Variants in SLC25A26 observed in about 807,000 individuals in gnomAD.
The protein encoded by SLC25A26 is mitochondrial S-adenosylmethionine carrier protein.
SLC25A26 carries 36 observed loss-of-function variants against 37.8 expected under a neutral mutation model. That is an observed-to-expected ratio of 0.95 (90% CI 0.73 to 1.26). The LOEUF (loss-of-function observed/expected upper bound fraction) is 1.26. Ranked by LOEUF, SLC25A26 falls within the 50% of genes most tolerant of loss-of-function variation. The pLI is 0.00. For synonymous variants in SLC25A26, 129 were observed against 122.5 expected, an observed-to-expected ratio of 1.05 and a Z score of -0.35; for missense variants, 390 against 331.1, an observed-to-expected ratio of 1.18 and a Z score of -1.38.
chr3:66,305,781 G>T lies in SLC25A26; in HGVS notation c.454-40583G>T, dbSNP rs182239764. 1.4e-3 allele frequency among the ~76,000 whole-genome samples: 211 copies of T among 152,164 alleles called. 1 individual carries two copies. Among genetic ancestry groups the T allele is most frequent in the African/African-American group, 4.8e-3 (199 of 41,508 alleles). ...TGAACATACATGTGCGTGTGTCTTTGTAATATAATGATTTATATTCCTTTG... is the reference window on the plus strand; with the variant it reads ...TGAACATACATGTGCGTGTGTCTTTTTAATATAATGATTTATATTCCTTTG... On this transcript the variant is annotated intron_variant, in intron 5 of 9. Coordinates refer to ENST00000354883, the MANE Select transcript of SLC25A26 (RefSeq NM_001379210.1).
chr3:66,269,489 A>G (rs987777961), intron 5 of SLC25A26, among the ~76,000 whole-genome samples: 3 of 152,242 alleles, frequency 2.0e-5, no homozygotes, highest in Admixed American at 6.5e-5. Context: ...GCATATTGGT[A>G]TAAAAAGTAA....
In SLC25A26 at chr3:66,286,786, C is replaced by G. The variant is rs577608015; in HGVS notation, c.453+23407C>G. ...CCTCCCTTCTGGATTCAAATGCCAC[C>G]TGAGTAGCTGGGATTACAGGTGTGC... On this transcript the variant is annotated intron_variant, in intron 5 of 9. Coordinates refer to ENST00000354883, the MANE Select transcript of SLC25A26 (RefSeq NM_001379210.1). Among the ~76,000 whole-genome samples, 13 of 152,150 alleles carry G rather than the reference C, an allele frequency of 8.5e-5. No individual in the cohort carries two copies. The South Asian group carries it at 2.5e-3, about 29-fold the overall frequency.
intron 2 of SLC25A26, among the ~76,000 whole-genome samples, chr3:66,239,434 G>A (rs1378345361): frequency 6.6e-6 from 1 of 152,154 alleles, no homozygotes. Flanking sequence ...ATCTATTCAG[G>A]CAGATGTCCT....
At chr3:66,370,227 C>T (rs541132355) in intron 8 of SLC25A26, among the ~76,000 whole-genome samples, 12 of 152,384 alleles carry the variant, frequency 7.9e-5, no homozygotes, top group African/African-American at 2.4e-4. Flanking sequence ...ATTCCCCGCC[C>T]TCCTCACATT....
At chr3:66,335,777 C>A (rs1255130036) in intron 5 of SLC25A26, among the ~76,000 whole-genome samples, 1 of 152,180 alleles carries the variant, frequency 6.6e-6, no homozygotes, top group Non-Finnish European at 1.5e-5. Flanking sequence ...TCCGACCATA[C>A]AGCAGTATAA....
chr3:66,272,510 G>A (rs2073992736), intron 5 of SLC25A26, among the ~76,000 whole-genome samples: 1 of 152,104 alleles, frequency 6.6e-6, no homozygotes, highest in South Asian at 2.1e-4. Context: ...AATCTGTGTT[G>A]ATGGAAGTGT....
chr3:66,194,678 C>A (rs973553174), intron 1 of SLC25A26, among the ~76,000 whole-genome samples: 1 of 152,260 alleles, frequency 6.6e-6, no homozygotes, highest in East Asian at 1.9e-4. Context: ...GATCTCGGCT[C>A]ATCGCAACCT....
At chr3:66,216,585 T>C (rs1411740470), upstream of SLC25A26, among the ~76,000 whole-genome samples, 3 of 151,016 alleles carry the variant, frequency 2.0e-5, no homozygotes, top group Non-Finnish European at 4.4e-5. Context: ...TTAAGCCTAG[T>C]CCTGGTTGAA....
chr3:66,209,928 A>ATATATATATATG (rs2071260939), intron 1 of SLC25A26, among the ~76,000 whole-genome samples: 2 of 74,684 alleles, frequency 2.7e-5, no homozygotes, highest in African/African-American at 1.3e-4. Context: ...ATATATATAT[A>ATATATATATATG]TATATATATA....
chr3:66,353,049 G>A (rs993010875), intron 6 of SLC25A26, among the ~76,000 whole-genome samples: 5 of 151,998 alleles, frequency 3.3e-5, no homozygotes, highest in Admixed American at 1.3e-4. Context: ...GGTTAAGCAC[G>A]ATGCATTTGT....
At chr3:66,215,548 G>C (rs1320834617) in intron 1 of SLC25A26, among the ~76,000 whole-genome samples, 1 of 152,120 alleles carries the variant, frequency 6.6e-6, no homozygotes, top group Non-Finnish European at 1.5e-5. Context: ...GCGTAAGATG[G>C]AGATCAAACA....
intron 1 of SLC25A26, among the ~76,000 whole-genome samples, chr3:66,168,910 C>T (rs1473279100): frequency 6.6e-6 from 1 of 152,120 alleles, no homozygotes; most frequent in Non-Finnish European, 1.5e-5. Flanking sequence ...TGGCTTGAGC[C>T]TAGGAGTTCA....
intron 5 of SLC25A26, among the ~76,000 whole-genome samples, chr3:66,296,354 A>G (rs1031037438): frequency 3.9e-5 from 6 of 152,234 alleles, no homozygotes; most frequent in South Asian, 2.1e-4. Context: ...TACATCAAAC[A>G]TGTTCAAAAC....
intron 1 of SLC25A26, among the ~76,000 whole-genome samples, chr3:66,211,584 G>C (rs1197401665): frequency 6.6e-6 from 1 of 152,122 alleles, no homozygotes; most frequent in African/African-American, 2.4e-5. Flanking sequence ...GGCATTGAAG[G>C]GGGAGGAGAG....
intron 6 of SLC25A26, among the ~76,000 whole-genome samples, chr3:66,348,710 A>G (rs1157063151): frequency 9.9e-5 from 15 of 152,258 alleles, no homozygotes; most frequent in Non-Finnish European, 2.2e-4. Context: ...TTAAGTATCA[A>G]GAAGTATTTC....
At chr3:66,343,580 A>C (rs2107726646) in intron 5 of SLC25A26, among the ~76,000 whole-genome samples, 1 of 152,340 alleles carries the variant, frequency 6.6e-6, no homozygotes, top group East Asian at 1.9e-4. Flanking sequence ...AAATGGGCAA[A>C]ATGTTTAATG....
intron 5 of SLC25A26, among the ~76,000 whole-genome samples, chr3:66,330,460 CAGG>C (rs1406838663): frequency 2.0e-5 from 3 of 152,140 alleles, no homozygotes; most frequent in Admixed American, 6.5e-5. Context: ...TAGTGTACAA[CAGG>C]AGTAGGATAT....
intron 1 of SLC25A26, among the ~76,000 whole-genome samples, chr3:66,214,434 A>G: frequency 6.6e-6 from 1 of 152,324 alleles, no homozygotes; most frequent in Middle Eastern, 3.4e-3. Context: ...GACTCACATT[A>G]AGATTTTATT....
chr3:66,238,062 G>A (rs183162262), intron 2 of SLC25A26, among the ~76,000 whole-genome samples: 12 of 152,270 alleles, frequency 7.9e-5, no homozygotes, highest in African/African-American at 2.9e-4. Context: ...CTGAGTAATT[G>A]TAACAAGTTG....
Sources: allele counts gnomAD v4.1 joint callset (sites outside exome capture counted in the v4.1 genomes callset), GRCh38; gene constraint gnomAD v4.1.1; transcripts MANE v1.5; gene names NCBI Gene and HGNC (gene_info 2026-07-23, HGNC 2026-07-21).